The following EPHA6 variants were observed in gnomAD, a reference collection of about 807,000 sequenced individuals.
EPHA6 encodes the protein EPH receptor A6, also known as ephrin type-A receptor 6.
In EPHA6, 50 loss-of-function variants were observed where a neutral mutation model predicts 112.0. The ratio of observed to expected loss-of-function variants is 0.45; its 90% CI spans 0.36 to 0.56. The LOEUF (loss-of-function observed/expected upper bound fraction) is 0.56, where lower values mean the gene tolerates loss of function less well. EPHA6 is among the 20% of genes least tolerant of loss of function. The pLI is 0.00. For missense variants in EPHA6, 1,280 were observed against 1,417.4 expected (o/e 0.90, Z 1.56); for synonymous variants, 529 against 490.7 (o/e 1.08, Z -1.03).
chr3:97,109,245 G>A (rs780174143), intron 3 of EPHA6, among the ~76,000 whole-genome samples: 4 of 152,124 alleles, frequency 2.6e-5, no homozygotes, highest in South Asian at 4.1e-4. Context: ...AGAGCAGACT[G>A]CCTTGTAAAA....
At chr3:97,589,040 C>G (rs931148139) in intron 11 of EPHA6, among the ~76,000 whole-genome samples, 2 of 152,144 alleles carry the variant, frequency 1.3e-5, no homozygotes, top group African/African-American at 4.8e-5. Context: ...TTAAGTCAAG[C>G]TTGTCCAACC....
chr3:97,513,212 G>A (rs973443932), intron 10 of EPHA6, among the ~76,000 whole-genome samples: 1 of 152,182 alleles, frequency 6.6e-6, no homozygotes, highest in African/African-American at 2.4e-5. Context: ...ATGTAAATCA[G>A]TGCAGCCATG....
intron 9 of EPHA6, among the ~76,000 whole-genome samples, chr3:97,480,683 C>T (rs920502330): frequency 1.1e-4 from 17 of 152,232 alleles, no homozygotes; most frequent in African/African-American, 3.9e-4. Context: ...CCCCACATTT[C>T]CCCCTTTTCT....
chr3:96,933,423 A>G (rs2040434807), intron 2 of EPHA6, among the ~76,000 whole-genome samples: 1 of 151,878 alleles, frequency 6.6e-6, no homozygotes, highest in Non-Finnish European at 1.5e-5. Context: ...ATATGTTTAT[A>G]AAAACTTTAG....
intron 5 of EPHA6, among the ~76,000 whole-genome samples, chr3:97,311,947 T>A (rs1353168792): frequency 6.6e-6 from 1 of 151,736 alleles, no homozygotes; most frequent in Non-Finnish European, 1.5e-5. Context: ...CAATATTTAG[T>A]CTTCCAATCA....
At chr3:97,448,082 A>G (rs1391743541) in intron 6 of EPHA6, among the ~76,000 whole-genome samples, 1 of 152,176 alleles carries the variant, frequency 6.6e-6, no homozygotes, top group Admixed American at 6.6e-5. Flanking sequence ...AAAAGATTTC[A>G]AACTTTAAAA....
chr3:96,827,628 A>G (rs974751593), intron 1 of EPHA6, among the ~76,000 whole-genome samples: 10 of 152,146 alleles, frequency 6.6e-5, no homozygotes, highest in Admixed American at 6.6e-4. Flanking sequence ...ATGAATTTAA[A>G]TTCAAGACAA....
chr3:97,407,807 C>A (rs1362373786), intron 6 of EPHA6, among the ~76,000 whole-genome samples: 1 of 152,030 alleles, frequency 6.6e-6, no homozygotes, highest in East Asian at 1.9e-4. Flanking sequence ...AATGAGGGAA[C>A]TAAGACATCA....
intron 1 of EPHA6, among the ~76,000 whole-genome samples, chr3:96,824,963 A>G (rs1187291833): frequency 6.6e-6 from 1 of 151,936 alleles, no homozygotes; most frequent in Non-Finnish European, 1.5e-5. Flanking sequence ...TATAAGATGG[A>G]TAAAATGAAG....
intron 10 of EPHA6, among the ~76,000 whole-genome samples, chr3:97,510,520 G>A (rs891980307): frequency 7.9e-5 from 12 of 152,210 alleles, no homozygotes; most frequent in African/African-American, 2.9e-4. Flanking sequence ...AGCGGAGGCT[G>A]CAGAACAGCA....
At chr3:96,839,622 A>G (rs1209439300) in intron 1 of EPHA6, among the ~76,000 whole-genome samples, 1 of 152,076 alleles carries the variant, frequency 6.6e-6, no homozygotes, top group East Asian at 1.9e-4. Context: ...ATAAGAATTA[A>G]TATTTTAGAA....
chr3:97,747,206 A>G lies in EPHA6; in HGVS notation c.3129-217A>G, dbSNP rs13318566. Among the ~76,000 whole-genome samples, 524 of 152,172 alleles carry G rather than the reference A, an allele frequency of 3.4e-3. 1 individual carries two copies. Among genetic ancestry groups the G allele is most frequent in the African/African-American group, 0.012 (479 of 41,578 alleles). ...AAGTCCCAGTCATAGCAAAAAACAC[A>G]AAAAGACAAAAGTGTTCCACCAGAT... On this transcript the variant is annotated intron_variant, in intron 16 of 17. Transcript: ENST00000389672.
chr3:97,642,669 C>G (rs1323263264), intron 14 of EPHA6, among the ~76,000 whole-genome samples: 3 of 151,978 alleles, frequency 2.0e-5, no homozygotes, highest in Non-Finnish European at 2.9e-5. Flanking sequence ...CCGATGCGAT[C>G]AACTGGAAGA....
At chr3:97,311,320 T>C (rs2081549359) in intron 5 of EPHA6, among the ~76,000 whole-genome samples, 1 of 151,546 alleles carries the variant, frequency 6.6e-6, no homozygotes, top group Admixed American at 6.6e-5. Context: ...ACATTCCCTC[T>C]CTAACCTTGT....
chr3:97,448,900 A>G (rs2090437573), intron 7 of EPHA6, among the ~76,000 whole-genome samples, 170 bp downstream of exon 7: 1 of 152,168 alleles, frequency 6.6e-6, no homozygotes, highest in South Asian at 2.1e-4. Context: ...CTATCATTAA[A>G]TGCTTTCATG....
At position 97,073,721 on chromosome 3, in the gene EPHA6, T is replaced by A. The variant is rs184611687; in HGVS notation, c.1114+85728T>A. Among the ~76,000 whole-genome samples, 345 of 152,220 alleles carry A rather than the reference T, an allele frequency of 2.3e-3. 3 individuals are homozygous for A. Among genetic ancestry groups the A allele is most frequent in the African/African-American group, 8.1e-3 (335 of 41,574 alleles). On this transcript the variant is annotated intron_variant, in intron 3 of 17. Transcript: ENST00000389672. ...ATAAATCGCTAAGATTTTTTCATTA[T>A]TTTTTGCAGAATAGCCTATGCATCT...
chr3:97,454,397 A>G (rs2090618036), intron 7 of EPHA6, among the ~76,000 whole-genome samples: 1 of 151,846 alleles, frequency 6.6e-6, no homozygotes, highest in African/African-American at 2.4e-5. Flanking sequence ...ATACTAAAGA[A>G]TGGTATGTTG....
intron 3 of EPHA6, among the ~76,000 whole-genome samples, chr3:97,047,291 GAGATCA>G: frequency 6.6e-6 from 1 of 152,012 alleles, no homozygotes. Context: ...ATGAGGTCAG[GAGATCA>G]AGACCATCCT....
chr3:97,067,031 T>A (rs2046200278), intron 3 of EPHA6, among the ~76,000 whole-genome samples: 1 of 152,170 alleles, frequency 6.6e-6, no homozygotes, highest in Non-Finnish European at 1.5e-5. Flanking sequence ...GTATTTAATG[T>A]AATGTGGTTC....
Sources: allele counts gnomAD v4.1 joint callset (sites outside exome capture counted in the v4.1 genomes callset), GRCh38; gene constraint gnomAD v4.1.1; transcripts MANE v1.5; gene names NCBI Gene and HGNC (gene_info 2026-07-23, HGNC 2026-07-21).